Variants in CCDC93 observed in about 807,000 individuals in gnomAD.
The protein encoded by CCDC93 is coiled-coil domain-containing protein 93.
A neutral mutation model predicts 108.2 loss-of-function variants in CCDC93; 61 were observed. The ratio of observed to expected loss-of-function variants is 0.56; its 90% CI spans 0.46 to 0.70. CCDC93 has a LOEUF of 0.70. Ranked by LOEUF, CCDC93 falls within the 30% of genes least tolerant of loss-of-function variation. The probability of loss-of-function intolerance (pLI) is 0.00; values close to 1 mark genes in which losing one functional copy is unlikely to be tolerated. For synonymous variants in CCDC93, 276 were observed against 260.4 expected (o/e 1.06, Z -0.58); for missense variants, 685 against 764.2 (o/e 0.90, Z 1.22).
chr2:117,921,446 T>C (rs1400586011), intron 23 of CCDC93, among the ~76,000 whole-genome samples: 1 of 152,062 alleles, frequency 6.6e-6, no homozygotes, highest in African/African-American at 2.4e-5. Context: ...CCAATAACTC[T>C]GACCCCATTC....
intron 7 of CCDC93, among the ~76,000 whole-genome samples, 171 bp downstream of exon 7, chr2:117,985,798 T>C (rs979793166): frequency 2.0e-5 from 3 of 152,186 alleles, no homozygotes; most frequent in African/African-American, 4.8e-5. Context: ...TTGCAAAGGA[T>C]GCCCACAGAA....
Position 117,926,672 on chromosome 2 carries a change from C to A in CCDC93, c.1842+4365G>T, listed in dbSNP as rs1165769401. On this transcript the variant is annotated intron_variant, in intron 23 of 23. Coordinates refer to ENST00000376300, the MANE Select transcript of CCDC93 (RefSeq NM_019044.5). The stretch of plus-strand genomic sequence containing the variant: ...AGTCCAGGACCAGATGGATTCACAG[C>A]CAAATTCTACCAGAGGTACAAGGAG... Among the ~76,000 whole-genome samples the A allele has an allele frequency of 7.2e-5, 11 of 152,280 alleles. No individual in the cohort carries two copies. In the East Asian group the frequency reaches 2.1e-3, roughly 29 times the overall value.
At chr2:117,983,061 G>A (rs748432791) in intron 7 of CCDC93, among the ~76,000 whole-genome samples, 10 of 152,254 alleles carry the variant, frequency 6.6e-5, no homozygotes, top group Admixed American at 5.2e-4. Flanking sequence ...GACTGGACCC[G>A]TTAAAGAAAA....
intron 12 of CCDC93, among the ~76,000 whole-genome samples, chr2:117,957,263 A>G (rs543422515): frequency 3.3e-5 from 5 of 152,244 alleles, no homozygotes; most frequent in Admixed American, 2.0e-4. Context: ...ACTGAAGCAT[A>G]TAACTTTTTT....
chr2:117,974,996 G>T, intron 9 of CCDC93, 96 bp from the exon 10 acceptor site: 1 of 1,174,400 alleles, frequency 8.5e-7, no homozygotes, highest in Non-Finnish European at 1.3e-6. Flanking sequence ...ATATCCAAGG[G>T]TGTCTTCCTT....
chr2:117,999,728 C>T (rs1304678569), intron 4 of CCDC93: 1 of 152,158 alleles, frequency 6.6e-6, no homozygotes, highest in Non-Finnish European at 1.5e-5. Flanking sequence ...TATTTTAAAT[C>T]ATCTCTAAGG....
chr2:117,973,807 A>C (rs548985777), intron 11 of CCDC93, 101 bp downstream of exon 11: 2 of 871,798 alleles, frequency 2.3e-6, no homozygotes, highest in South Asian at 2.9e-5. Flanking sequence ...GTGAGTTACA[A>C]GAGAACACGG....
At position 117,980,519 on chromosome 2, in the gene CCDC93, AG is replaced by A. The variant is rs1405370555; in HGVS notation, c.621-2490del. On this transcript the variant is annotated intron_variant, in intron 7 of 23. Transcript: ENST00000376300. ...CGAATCTACTCCTCCTTAAAGACAGAGGCTCTGGGAAGACTCTTTTAGTAAG... is the reference window on the plus strand; with the variant it reads ...CGAATCTACTCCTCCTTAAAGACAGAGCTCTGGGAAGACTCTTTTAGTAAG... Among the ~76,000 whole-genome samples the A allele has an allele frequency of 2.6e-4, 39 of 152,258 alleles. No individual in the cohort carries two copies. In the South Asian group the frequency reaches 4.6e-3, roughly 18 times the overall value.
intron 11 of CCDC93, among the ~76,000 whole-genome samples, chr2:117,972,130 T>G (rs1463273930): frequency 6.6e-6 from 1 of 152,194 alleles, no homozygotes; most frequent in African/African-American, 2.4e-5. Flanking sequence ...TACTGTAGTT[T>G]CCATACACAT....
chr2:118,005,526 C>T (rs368338511), intron 3 of CCDC93, among the ~76,000 whole-genome samples: 11 of 152,176 alleles, frequency 7.2e-5, no homozygotes, highest in South Asian at 4.1e-4. Context: ...GAGGCCAAGG[C>T]GAGAGGATTG....
chr2:117,965,628 G>GTA (rs1312355244), intron 11 of CCDC93, among the ~76,000 whole-genome samples: 1 of 152,126 alleles, frequency 6.6e-6, no homozygotes, highest in East Asian at 1.9e-4. Flanking sequence ...CACAAACCTA[G>GTA]TAGCACCCGG....
At chr2:117,943,968 G>A in intron 18 of CCDC93, 56 bp downstream of exon 18, 1 of 1,193,878 alleles carries the variant, frequency 8.4e-7, no homozygotes, top group South Asian at 1.4e-5. Flanking sequence ...TATGTCATAG[G>A]ACATTTATAC....
chr2:117,980,877 G>A (rs1680097987), intron 7 of CCDC93, among the ~76,000 whole-genome samples: 1 of 152,040 alleles, frequency 6.6e-6, no homozygotes, highest in Non-Finnish European at 1.5e-5. Context: ...CCAGCCCTTG[G>A]CTACCACTGA....
Position 117,989,106 on chromosome 2 carries a change from C to T in CCDC93, c.520-3037G>A, listed in dbSNP as rs191086488. 4.6e-5 allele frequency among the ~76,000 whole-genome samples: 7 copies of T among 152,332 alleles called. No homozygotes were observed. In the East Asian group the frequency reaches 1.2e-3, roughly 25 times the overall value. ...TTTTTACATATCAAAATGTTTTATA[C>T]ATAGCCTAAATAATCAGACTTTTTG... On this transcript the variant is annotated intron_variant, in intron 6 of 23. Transcript: ENST00000376300.
intron 13 of CCDC93, chr2:117,950,469 T>C (rs1356513497): frequency 1.0e-6 from 1 of 985,218 alleles, no homozygotes; most frequent in Non-Finnish European, 1.2e-6. Context: ...CCCCCACAGG[T>C]GTCAGGCACC....
intron 11 of CCDC93, among the ~76,000 whole-genome samples, chr2:117,961,727 G>A (rs1679401563): frequency 6.6e-6 from 1 of 152,176 alleles, no homozygotes; most frequent in African/African-American, 2.4e-5. Context: ...TGACCAAGGT[G>A]GATTTTGAAT....
intron 11 of CCDC93, among the ~76,000 whole-genome samples, chr2:117,959,106 G>T (rs1467964798): frequency 6.6e-6 from 1 of 152,212 alleles, no homozygotes; most frequent in Non-Finnish European, 1.5e-5. Context: ...AGGACCAGGA[G>T]TGAGTGTGAG....
chr2:117,933,513 G>A (rs1209518934), intron 22 of CCDC93, among the ~76,000 whole-genome samples: 1 of 152,106 alleles, frequency 6.6e-6, no homozygotes, highest in East Asian at 1.9e-4. Context: ...AATGCTGACT[G>A]ATATGTGACC....
chr2:117,956,891 ATTT>A (rs141216891), intron 12 of CCDC93, among the ~76,000 whole-genome samples: 552 of 142,784 alleles, frequency 3.9e-3, no homozygotes, highest in Admixed American at 4.1e-3. Context: ...ACTGGTACCC[ATTT>A]TTTTTTTTTT....
Sources: allele counts gnomAD v4.1 joint callset (sites outside exome capture counted in the v4.1 genomes callset), GRCh38; gene constraint gnomAD v4.1.1; transcripts MANE v1.5; gene names NCBI Gene and HGNC (gene_info 2026-07-23, HGNC 2026-07-21).